The following TBC1D21 variants were observed in gnomAD, a reference collection of about 807,000 sequenced individuals.
The protein encoded by TBC1D21 is TBC1 domain family member 21.
TBC1D21 carries 38 observed loss-of-function variants against 46.0 expected under a neutral mutation model. The ratio of observed to expected loss-of-function variants is 0.83; its 90% CI spans 0.64 to 1.08. The LOEUF is 1.08. Ranked by LOEUF, TBC1D21 falls within the 50% of genes least tolerant of loss-of-function variation. The pLI is 0.00. For synonymous variants in TBC1D21, 151 were observed against 157.2 expected (o/e 0.96, Z 0.29); for missense variants, 415 against 417.9 (o/e 0.99, Z 0.06).
chr15:73,881,392 T>C lies in TBC1D21; in HGVS notation c.61-7T>C. Reference sequence around the variant, plus strand: ...CATAAGGCAGAACTGGTTGCTGCTTTTGCCAGGTGAAGAGAAAACCACCCA... The same window carrying C: ...CATAAGGCAGAACTGGTTGCTGCTTCTGCCAGGTGAAGAGAAAACCACCCA... On this transcript the variant is annotated splice_region_variant and splice_polypyrimidine_tract_variant and intron_variant, in intron 1 of 10. Coordinates refer to ENST00000300504, the MANE Select transcript of TBC1D21 (RefSeq NM_153356.3). The C allele has an allele frequency of 6.8e-6, 11 of 1,613,054 alleles. No individual in the cohort carries two copies. Among genetic ancestry groups the C allele is most frequent in the Non-Finnish European group, 9.3e-6 (11 of 1,179,106 alleles).
intron 1 of TBC1D21, among the ~76,000 whole-genome samples, chr15:73,876,225 T>TTTTTTTTTTTTTTTTTTGTTTG (rs2068063671): frequency 1.7e-5 from 1 of 59,008 alleles, no homozygotes; most frequent in Non-Finnish European, 3.1e-5. Flanking sequence ...TTTTTTTTTT[T>TTTTTTTTTTTTTTTTTTGTTTG]TTTTTTTTTT....
chr15:73,884,971 G>A (rs770924114), intron 5 of TBC1D21, 32 bp from the exon 6 acceptor site: 82 of 1,023,470 alleles, frequency 8.0e-5, no homozygotes, highest in Non-Finnish European at 1.1e-4. Context: ...CTCCCACCCA[G>A]CCCCTCCTCC....
intron 1 of TBC1D21, among the ~76,000 whole-genome samples, chr15:73,876,189 T>C (rs2068056390): frequency 7.1e-6 from 1 of 141,592 alleles, no homozygotes; most frequent in Non-Finnish European, 1.5e-5. Flanking sequence ...ATCAGTGACT[T>C]TTTTTGTGGG....
At chr15:73,875,767 G>A (rs561361003) in intron 1 of TBC1D21, among the ~76,000 whole-genome samples, 2 of 152,306 alleles carry the variant, frequency 1.3e-5, no homozygotes, top group African/African-American at 4.8e-5. Flanking sequence ...GAGCTGGAGG[G>A]TATCCAGCCC....
chr15:73,885,831 C>CAG (rs1163842717), intron 6 of TBC1D21, among the ~76,000 whole-genome samples: 1 of 151,960 alleles, frequency 6.6e-6, no homozygotes, highest in Admixed American at 6.6e-5. Context: ...CACACACACA[C>CAG]ACACACACAC....
At chr15:73,898,902 T>TATATATATATATATATATATATATAGAC in the TBC1D21 span, among the ~76,000 whole-genome samples, 1 of 112,890 alleles carries the variant, frequency 8.9e-6, no homozygotes. Flanking sequence ...TATATATATA[T>TATATATATATATATATATATATATAGAC]ACACACACAC....
chr15:73,899,217 G>A, the TBC1D21 span, among the ~76,000 whole-genome samples: 3 of 152,100 alleles, frequency 2.0e-5, no homozygotes, highest in Non-Finnish European at 2.9e-5. Flanking sequence ...CTACCTGAGA[G>A]CCCAGCCCTT....
At position 73,876,665 on chromosome 15, in the gene TBC1D21, T is replaced by C. The variant is rs1284906777; in HGVS notation, c.60+2896T>C. 2.0e-5 allele frequency among the ~76,000 whole-genome samples: 3 copies of C among 152,210 alleles called. No homozygotes were observed. In the East Asian group the frequency reaches 5.8e-4, roughly 29 times the overall value. On this transcript the variant is annotated intron_variant, in intron 1 of 10. Transcript: ENST00000300504. ...CTCAACAGATGTCTTCTTGTGATGTTTCTAATTATTTCTGCCTTATTGCGT... is the reference window on the plus strand; with the variant it reads ...CTCAACAGATGTCTTCTTGTGATGTCTCTAATTATTTCTGCCTTATTGCGT...
chr15:73,909,522 G>T, the TBC1D21 span, among the ~76,000 whole-genome samples: 949 of 152,324 alleles, frequency 6.2e-3, 14 homozygotes, highest in African/African-American at 0.022. Flanking sequence ...TCTGCAGCTG[G>T]CATGACTCCT....
chr15:73,876,223 T>TG (rs1567062363), intron 1 of TBC1D21, among the ~76,000 whole-genome samples: 611 of 51,204 alleles, frequency 0.012, 102 homozygotes, highest in South Asian at 0.056. Context: ...TTTTTTTTTT[T>TG]TTTTTTTTTT....
the TBC1D21 span, among the ~76,000 whole-genome samples, chr15:73,905,774 C>G: frequency 2.6e-5 from 4 of 152,202 alleles, no homozygotes; most frequent in Non-Finnish European, 5.9e-5. Flanking sequence ...AGCATTTGCT[C>G]CAGGGCCCAG....
chr15:73,883,093 A>G (rs1243659533), intron 3 of TBC1D21, among the ~76,000 whole-genome samples: 2 of 152,206 alleles, frequency 1.3e-5, no homozygotes, highest in Non-Finnish European at 2.9e-5. Context: ...TTGTGGCTGC[A>G]TGACTATGTA....
At chr15:73,896,109 AG>A in the TBC1D21 span, among the ~76,000 whole-genome samples, 2 of 114,688 alleles carry the variant, frequency 1.7e-5, no homozygotes, top group African/African-American at 5.8e-5. Context: ...TGGCGACAAC[AG>A]AGGTGAAAAT....
downstream of TBC1D21, among the ~76,000 whole-genome samples, chr15:73,890,525 GA>G (rs1014037943): frequency 2.0e-5 from 3 of 152,214 alleles, no homozygotes; most frequent in African/African-American, 7.2e-5. Flanking sequence ...CTCCAAGGAT[GA>G]AACTGTGTTT....
chr15:73,888,413 C>A lies in TBC1D21; in HGVS notation c.895-17C>A. Reference sequence around the variant, plus strand: ...TGCCCCAGCCCCACCCACAACTGCTCCCACACTCCCATGCAGGCCTGCAAC... The same window carrying A: ...TGCCCCAGCCCCACCCACAACTGCTACCACACTCCCATGCAGGCCTGCAAC... On this transcript the variant is annotated splice_polypyrimidine_tract_variant and intron_variant, in intron 9 of 10. Transcript: ENST00000300504. 1 of 1,611,720 alleles carries A rather than the reference C, an allele frequency of 6.2e-7. No individual in the cohort carries two copies. Among genetic ancestry groups the A allele is most frequent in the Admixed American group, 1.7e-5 (1 of 59,846 alleles).
chr15:73,898,215 A>C, the TBC1D21 span, among the ~76,000 whole-genome samples: 6 of 152,190 alleles, frequency 3.9e-5, no homozygotes, highest in East Asian at 1.2e-3. Context: ...GCTCTGCCTC[A>C]CCAGGCCCGT....
At chr15:73,907,032 G>A in the TBC1D21 span, among the ~76,000 whole-genome samples, 1 of 152,232 alleles carries the variant, frequency 6.6e-6, no homozygotes, top group African/African-American at 2.4e-5. Flanking sequence ...CCAACTCTGA[G>A]GGTAAGGACC....
chr15:73,885,438 A>G (rs1345558399), intron 6 of TBC1D21, among the ~76,000 whole-genome samples: 1 of 152,140 alleles, frequency 6.6e-6, no homozygotes, highest in African/African-American at 2.4e-5. Context: ...TTCTTCCTCA[A>G]TGGCTCCCTG....
In TBC1D21 at chr15:73,889,206, C is replaced by T. The variant is rs2068315448; in HGVS notation, c.*105C>T. 9 of 1,325,102 alleles carry T rather than the reference C, an allele frequency of 6.8e-6. No homozygotes were observed. In the Admixed American group the frequency reaches 1.6e-4, roughly 23 times the overall value. 82.1% of individuals were successfully genotyped at this position (1,325,102 alleles called of 1,614,324 possible). A position where few individuals can be genotyped will look rare whatever the true frequency, so the allele number is the denominator to read the frequency against. On this transcript the variant is annotated 3_prime_UTR_variant, in exon 11 of 11. Transcript: ENST00000300504. ...AAACAGCTGCAATATAAACAGTCCT[C>T]TGGAATAATGGTTTGTGGTGGATGC...
Sources: allele counts gnomAD v4.1 joint callset (sites outside exome capture counted in the v4.1 genomes callset), GRCh38; gene constraint gnomAD v4.1.1; transcripts MANE v1.5; gene names NCBI Gene and HGNC (gene_info 2026-07-23, HGNC 2026-07-21).